Variants in NLRP3 observed in about 807,000 individuals in gnomAD.
The protein encoded by NLRP3 is NLR family pyrin domain containing 3.
A neutral mutation model predicts 91.3 loss-of-function variants in NLRP3; 48 were observed. That is an observed-to-expected ratio of 0.53 (90% CI 0.42 to 0.67). The LOEUF (loss-of-function observed/expected upper bound fraction) is 0.67, where lower values mean the gene tolerates loss of function less well. Ranked by LOEUF, NLRP3 falls within the 30% of genes least tolerant of loss-of-function variation. The pLI is 0.00. For synonymous variants in NLRP3, 561 were observed against 507.9 expected (o/e 1.10, Z -1.41); for missense variants, 982 against 1,276.9 (o/e 0.77, Z 3.52).
At position 247,418,240 on chromosome 1, in the gene NLRP3, T is replaced by G. The variant is rs72771992; in HGVS notation, c.-561T>G. On this transcript the variant is annotated 5_prime_UTR_variant, in exon 2 of 10. Coordinates refer to ENST00000336119, the MANE Select transcript of NLRP3 (RefSeq NM_001243133.2). ...TTTTCCCTCCATAGGGAAACCTTTCTTCCATGGCTCAGGACACACTCCTGG... is the reference window on the plus strand; with the variant it reads ...TTTTCCCTCCATAGGGAAACCTTTCGTCCATGGCTCAGGACACACTCCTGG... The G allele has an allele frequency of 0.1, 16,316 of 162,406 alleles. 933 individuals are homozygous for G. Among genetic ancestry groups the G allele is most frequent in the Admixed American group, 0.16 (2,663 of 17,144 alleles). The allele number at this position is 162,406 out of a possible 1,614,324, so 10.1% of individuals were successfully genotyped here.
Position 247,419,178 on chromosome 1 carries a change from C to T in NLRP3, c.277+101C>T, listed in dbSNP as rs1163687579. ...TATATATATATATTTTTTTTTGAGA[C>T]GGAGTTGCTCTTGTTGCCCAGGCTG... is the stretch of plus-strand genomic sequence containing the variant. On this transcript the variant is annotated intron_variant, in intron 2 of 9. Coordinates refer to ENST00000336119, the MANE Select transcript of NLRP3 (RefSeq NM_001243133.2). 53 of 746,264 alleles carry T rather than the reference C, an allele frequency of 7.1e-5. 1 individual carries two copies. Among genetic ancestry groups the T allele is most frequent in the Middle Eastern group, 4.8e-4 (1 of 2,080 alleles). 46.2% of individuals were successfully genotyped at this position (746,264 alleles called of 1,614,324 possible).
intron 5 of NLRP3, 141 bp downstream of exon 5, chr1:247,429,896 C>T (rs1451760599): frequency 9.1e-7 from 1 of 1,099,626 alleles, no homozygotes; most frequent in Non-Finnish European, 1.3e-6. Flanking sequence ...TTTTTTGAGG[C>T]AGAGTTTTGC....
chr1:247,433,264 AGATGGAGGGCTGG>A (rs1288998613), intron 5 of NLRP3, among the ~76,000 whole-genome samples: 1 of 152,128 alleles, frequency 6.6e-6, no homozygotes, highest in Admixed American at 6.5e-5. Flanking sequence ...CTTTCAATAT[AGATGGAGGGCTGG>A]GATGAAATCG....
rs537715421 is a variant in NLRP3 at position 247,419,020 on chromosome 1, G to A, written c.220G>A (p.Ala74Thr). 1.5e-5 allele frequency: 25 copies of A among 1,613,748 alleles called. No individual in the cohort carries two copies. In the East Asian group the frequency reaches 4.0e-4, roughly 26 times the overall value. Residue 74 changes from alanine to threonine, a missense_variant, in exon 2 of 10, where the codon GCT (alanine) becomes ACT (threonine). By Grantham distance (58) the Ala-to-Thr change is moderately conservative. Coordinates refer to ENST00000336119, the MANE Select transcript of NLRP3 (RefSeq NM_001243133.2). ...KAWAMAVWIF[A>T]AINRRDLYEK... is the part of the protein sequence containing the mutation. ...GTGGGCCATGGCCGTGTGGATCTTC[G>A]CTGCGATCAACAGGAGAGACCTTTA...
rs1197563023 is a variant in NLRP3, at chr1:247,448,432, G to A, written c.3033G>A (p.Glu1011=). The A allele has an allele frequency of 1.2e-6, 2 of 1,612,512 alleles. No homozygotes were observed. The highest frequency in any genetic ancestry group is 1.7e-6 in the Non-Finnish European group (2 of 1,178,568). ...LGLSEMYFNY[E]TKSALETLQE... ...TGTCTGAAATGTATTTCAATTATGA[G>A]ACAAAAAGTGCGTTAGAAACACTTC... Residue 1011 remains glutamate, a synonymous_variant, in exon 10 of 10, where the codon GAG becomes GAA. Coordinates refer to ENST00000336119, the MANE Select transcript of NLRP3 (RefSeq NM_001243133.2).
In NLRP3 at chr1:247,434,216, G is replaced by C. The variant is rs773060294; in HGVS notation, c.2435G>C (p.Gly812Ala). Reference protein sequence around the residue: ...DLSDNALGDFGIRLLCVGLKH... With the variant: ...DLSDNALGDFAIRLLCVGLKH... ...AGTGACAACGCCCTCGGTGACTTCG[G>C]AATCAGACTTCTGTGTGTGGGACTG... Residue 812 changes from glycine (G) to alanine (A), a missense_variant, in exon 6 of 10, where the codon GGA becomes GCA. By Grantham distance (60) the Gly-to-Ala change is moderately conservative (BLOSUM62 0). This residue lies in a region of NLRP3 where 373 missense variants were observed against 431.5 expected (regional missense o/e 0.86). Coordinates refer to ENST00000336119, the MANE Select transcript of NLRP3 (RefSeq NM_001243133.2). 1 of 1,614,232 alleles carries C rather than the reference G, an allele frequency of 6.2e-7. No individual in the cohort carries two copies. Among genetic ancestry groups the C allele is most frequent in the Non-Finnish European group, 8.5e-7 (1 of 1,180,040 alleles).
chr1:247,429,745 C>T lies in NLRP3; in HGVS notation c.2311C>T (p.Arg771Trp), dbSNP rs757698137. Reference protein sequence around the residue: ...ETLQHPGCNIRRLWLGRCGLS... With the variant: ...ETLQHPGCNIWRLWLGRCGLS... ...GCTCCAGCATCCTGGCTGTAACATT[C>T]GGAGATTGTGGTGAGTCCCCGTGCA... Residue 771 changes from arginine to tryptophan, a missense_variant, in exon 5 of 10, where the codon CGG (arginine) becomes TGG (tryptophan). This residue lies in a region of NLRP3 where 373 missense variants were observed against 431.5 expected (regional missense o/e 0.86). Transcript: ENST00000336119. 6 of 1,613,772 alleles carry T rather than the reference C, an allele frequency of 3.7e-6. No homozygotes were observed. Among genetic ancestry groups the T allele is most frequent in the East Asian group, 2.2e-5 (1 of 44,880 alleles).
intron 1 of NLRP3, among the ~76,000 whole-genome samples, chr1:247,417,751 G>T (rs1268753958): frequency 6.6e-6 from 1 of 152,168 alleles, no homozygotes; most frequent in Non-Finnish European, 1.5e-5. Context: ...CTCCCAAAGT[G>T]CTGGGATTAC....
chr1:247,446,441 C>T (rs1572234531), intron 9 of NLRP3, among the ~76,000 whole-genome samples: 1 of 152,204 alleles, frequency 6.6e-6, no homozygotes, highest in Non-Finnish European at 1.5e-5. Context: ...AATCCAGCCT[C>T]TCCTGCTTCC....
chr1:247,430,307 G>A (rs529698913), intron 5 of NLRP3, among the ~76,000 whole-genome samples: 13 of 152,264 alleles, frequency 8.5e-5, no homozygotes, highest in South Asian at 2.1e-4. Flanking sequence ...TTCTGAGGCC[G>A]CCCTCCTTGG....
intron 9 of NLRP3, among the ~76,000 whole-genome samples, chr1:247,445,131 C>T (rs908540529): frequency 6.6e-6 from 1 of 152,186 alleles, no homozygotes; most frequent in African/African-American, 2.4e-5. Flanking sequence ...CTTCGTAGAA[C>T]TCGTCTATGG....
intron 2 of NLRP3, among the ~76,000 whole-genome samples, chr1:247,420,808 C>T (rs1253686229): frequency 6.6e-6 from 1 of 152,178 alleles, no homozygotes; most frequent in Non-Finnish European, 1.5e-5. Context: ...AAACTGTTTG[C>T]TTTCTCTAAC....
At chr1:247,436,164 C>G in intron 7 of NLRP3, 24 bp downstream of exon 7, 1 of 1,612,384 alleles carries the variant, frequency 6.2e-7, no homozygotes, top group Admixed American at 1.7e-5. Context: ...GGTGTCTTAC[C>G]AGAAAAGTAA....
At chr1:247,434,396 G>A (rs906876786) in intron 6 of NLRP3, 123 bp downstream of exon 6, 21 of 996,144 alleles carry the variant, frequency 2.1e-5, no homozygotes, top group South Asian at 1.4e-4. Context: ...GGGTGACTGC[G>A]TGTGCTTGTC....
chr1:247,428,331 G>A (rs953205393), intron 4 of NLRP3, among the ~76,000 whole-genome samples: 1 of 152,274 alleles, frequency 6.6e-6, no homozygotes, highest in Non-Finnish European at 1.5e-5. Context: ...TTACTCTGAG[G>A]GCAGGAGCTT....
intron 7 of NLRP3, among the ~76,000 whole-genome samples, chr1:247,438,703 G>A (rs1238076428): frequency 6.6e-6 from 1 of 152,052 alleles, no homozygotes; most frequent in African/African-American, 2.4e-5. Flanking sequence ...TTTTGTTGTT[G>A]TTGTTACTAA....
chr1:247,443,808 G>C, intron 7 of NLRP3, 164 bp from the exon 8 acceptor site: 1 of 687,864 alleles, frequency 1.5e-6, no homozygotes, highest in South Asian at 1.6e-5. Context: ...GACAGCCAGA[G>C]ACAGCAGGTC....
chr1:247,438,603 C>G lies in NLRP3; in HGVS notation c.2663+2463C>G, dbSNP rs964902905. On this transcript the variant is annotated intron_variant, in intron 7 of 9. Transcript: ENST00000336119. Reference sequence around the variant, plus strand: ...TTCACCATGTTTGCCAGGCTGGTCTCGAATTTCTGACCTCAGGTGATCTGC... The same window carrying G: ...TTCACCATGTTTGCCAGGCTGGTCTGGAATTTCTGACCTCAGGTGATCTGC... Among the ~76,000 whole-genome samples the G allele has an allele frequency of 2.0e-4, 31 of 152,198 alleles. 1 individual carries two copies. The highest frequency in any genetic ancestry group is 7.2e-4 in the African/African-American group (30 of 41,526).
rs1664746578 is a variant in NLRP3, at chr1:247,448,469, C to T, written c.3070C>T (p.Pro1024Ser). 2 of 1,613,368 alleles carry T rather than the reference C, an allele frequency of 1.2e-6. No homozygotes were observed. The highest frequency in any genetic ancestry group is 2.7e-5 in the African/African-American group (2 of 74,868). The change falls in exon 10 of 10, where the codon CCT becomes TCT. Residue 1024 changes from proline (P) to serine (S), a missense_variant. Pro to Ser is a moderately conservative substitution (Grantham distance 74). Transcript: ENST00000336119. ...GTTAGAAACACTTCAAGAAGAAAAG[C>T]CTGAGCTGACCGTCGTCTTTGAGCC... ...SALETLQEEK[P>S]ELTVVFEPSW
Sources: allele counts gnomAD v4.1 joint callset (sites outside exome capture counted in the v4.1 genomes callset), GRCh38; gene constraint gnomAD v4.1.1; regional missense constraint gnomAD v4.1.1; transcripts MANE v1.5; gene names NCBI Gene and HGNC (gene_info 2026-07-23, HGNC 2026-07-21).